The following KIF16B variants were observed in gnomAD, a reference collection of about 807,000 sequenced individuals.
KIF16B encodes kinesin family member 16B, also known as kinesin-like protein KIF16B.
A neutral mutation model predicts 156.3 loss-of-function variants in KIF16B; 98 were observed. That is an observed-to-expected ratio of 0.63 (90% CI 0.53 to 0.74). The LOEUF is 0.74. Ranked by LOEUF, KIF16B falls within the 30% of genes least tolerant of loss-of-function variation. The pLI, the probability that KIF16B is intolerant of heterozygous loss-of-function variation, is 0.00. For missense variants in KIF16B, 1,421 were observed against 1,606.5 expected, an observed-to-expected ratio of 0.88 and a Z score of 1.97; for synonymous variants, 564 against 583.7, an observed-to-expected ratio of 0.97 and a Z score of 0.49.
intron 24 of KIF16B, among the ~76,000 whole-genome samples, chr20:16,319,062 C>T (rs2063738137): frequency 6.6e-6 from 1 of 152,124 alleles, no homozygotes; most frequent in African/African-American, 2.4e-5. Flanking sequence ...AACAAGTCTT[C>T]CTCAAGAGTG....
At chr20:16,366,081 C>T (rs112511556) in intron 22 of KIF16B, among the ~76,000 whole-genome samples, 1 of 18,280 alleles carries the variant, frequency 5.5e-5, no homozygotes, top group Non-Finnish European at 8.7e-5. Flanking sequence ...CAGAGGGGGA[C>T]AGAGAGGAAA....
At chr20:16,555,475 T>C (rs1322090102) in intron 1 of KIF16B, among the ~76,000 whole-genome samples, 1 of 151,900 alleles carries the variant, frequency 6.6e-6, no homozygotes, top group Non-Finnish European at 1.5e-5. Context: ...GCTAATGACA[T>C]CCCCAAAGAA....
In KIF16B at chr20:16,457,299, A is replaced by C. The variant is rs184563949; in HGVS notation, c.1303-27317T>G. Reference sequence around the variant, plus strand: ...TAAGATCTGTGTGGTCCACTGCCAAATGACAAATTATACATATTCTGAAAA... The same window carrying C: ...TAAGATCTGTGTGGTCCACTGCCAACTGACAAATTATACATATTCTGAAAA... On this transcript the variant is annotated intron_variant, in intron 12 of 25. Transcript: ENST00000354981. 2.6e-5 allele frequency among the ~76,000 whole-genome samples: 4 copies of C among 152,346 alleles called. No homozygotes were observed. In the East Asian group the frequency reaches 7.7e-4, roughly 29 times the overall value.
At chr20:16,274,859 A>G (rs906231258) in intron 25 of KIF16B, among the ~76,000 whole-genome samples, 11 of 152,172 alleles carry the variant, frequency 7.2e-5, no homozygotes, top group African/African-American at 2.4e-5. Context: ...GAATTTAGCT[A>G]CCTCTATGAA....
chr20:16,533,750 T>C (rs1402825172), intron 1 of KIF16B, among the ~76,000 whole-genome samples: 1 of 152,082 alleles, frequency 6.6e-6, no homozygotes, highest in African/African-American at 2.4e-5. Flanking sequence ...AAACCATGAG[T>C]GAGTTTCCAG....
intron 1 of KIF16B, among the ~76,000 whole-genome samples, chr20:16,558,523 C>A (rs6111177): frequency 0.35 from 53,599 of 152,078 alleles, 9,572 homozygotes; most frequent in African/African-American, 0.41. Flanking sequence ...AGAAGAAAAA[C>A]CACCTGCTGA....
Position 16,468,715 on chromosome 20 carries a change from CAAAT to C in KIF16B, c.1302+25572_1302+25575del. On this transcript the variant is annotated intron_variant, in intron 12 of 25. Transcript: ENST00000354981. ...GTAAAAACTGACAGAGCTGAAAGAA[CAAAT>C]AAACAAATCTACTATTAGAGAGTTG... is the stretch of plus-strand genomic sequence containing the variant. Among the ~76,000 whole-genome samples the C allele has an allele frequency of 2.7e-5, 4 of 148,020 alleles. No individual in the cohort carries two copies. The South Asian group carries it at 8.5e-4, about 32-fold the overall frequency.
intron 12 of KIF16B, among the ~76,000 whole-genome samples, chr20:16,462,316 C>T (rs943188545): frequency 6.6e-6 from 1 of 152,318 alleles, no homozygotes; most frequent in African/African-American, 2.4e-5. Context: ...AGGGCCCCTG[C>T]AATCCTCACC....
At chr20:16,308,590 T>C (rs189674499) in intron 25 of KIF16B, among the ~76,000 whole-genome samples, 1 of 152,334 alleles carries the variant, frequency 6.6e-6, no homozygotes. Context: ...CCCCAAGACA[T>C]AGGCCTTCAC....
At chr20:16,418,123 G>C (rs2066136649) in intron 15 of KIF16B, among the ~76,000 whole-genome samples, 2 of 151,942 alleles carry the variant, frequency 1.3e-5, no homozygotes, top group Non-Finnish European at 2.9e-5. Flanking sequence ...AGCTGAAAAT[G>C]AAGTTTTAAA....
At position 16,435,403 on chromosome 20, in the gene KIF16B, A is replaced by G. The variant is rs141591571; in HGVS notation, c.1303-5421T>C. 3.6e-3 allele frequency among the ~76,000 whole-genome samples: 554 copies of G among 152,346 alleles called. 3 individuals are homozygous for G. Among genetic ancestry groups the G allele is most frequent in the African/African-American group, 0.012 (494 of 41,588 alleles). ...AGAAAATTAAGCTAGTCTGACTTTT[A>G]GTCCACAGCAGATAATTTGGTTTTA... On this transcript the variant is annotated intron_variant, in intron 12 of 25. Coordinates refer to ENST00000354981, the MANE Select transcript of KIF16B (RefSeq NM_024704.5).
intron 1 of KIF16B, among the ~76,000 whole-genome samples, chr20:16,545,565 T>C (rs1228030690): frequency 6.6e-6 from 1 of 152,108 alleles, no homozygotes; most frequent in Non-Finnish European, 1.5e-5. Context: ...CTCAGGAGGC[T>C]GAGGCAGGAG....
intron 1 of KIF16B, among the ~76,000 whole-genome samples, chr20:16,530,838 A>T (rs1022344903): frequency 6.6e-6 from 1 of 151,980 alleles, no homozygotes; most frequent in Non-Finnish European, 1.5e-5. Context: ...AGTAGCTTTG[A>T]CTACAGGCAC....
chr20:16,388,825 T>C (rs1453745757), intron 17 of KIF16B, among the ~76,000 whole-genome samples: 1 of 151,888 alleles, frequency 6.6e-6, no homozygotes, highest in African/African-American at 2.4e-5. Flanking sequence ...TGAGGAAGAT[T>C]TAAATGAACT....
chr20:16,423,348 A>C (rs1034550898), intron 15 of KIF16B, among the ~76,000 whole-genome samples: 2 of 152,206 alleles, frequency 1.3e-5, no homozygotes, highest in African/African-American at 4.8e-5. Context: ...AAGCACATGA[A>C]AAGTTCATTT....
chr20:16,433,082 C>T (rs898971804), intron 12 of KIF16B, among the ~76,000 whole-genome samples: 1 of 152,172 alleles, frequency 6.6e-6, no homozygotes, highest in Non-Finnish European at 1.5e-5. Context: ...GTTTTTTCCT[C>T]CTGACCATGA....
chr20:16,520,961 A>G (rs1343617656), intron 3 of KIF16B, among the ~76,000 whole-genome samples: 1 of 152,202 alleles, frequency 6.6e-6, no homozygotes, highest in African/African-American at 2.4e-5. Flanking sequence ...AGGAAAACAA[A>G]CAAACAGAAA....
At chr20:16,429,783 G>T in intron 13 of KIF16B, 80 bp downstream of exon 13, 1 of 1,227,018 alleles carries the variant, frequency 8.1e-7, no homozygotes, top group South Asian at 1.6e-5. Context: ...CATGACCATA[G>T]AATATTATAA....
intron 25 of KIF16B, among the ~76,000 whole-genome samples, chr20:16,311,306 T>C (rs1038883853): frequency 1.3e-5 from 2 of 152,072 alleles, no homozygotes; most frequent in South Asian, 2.1e-4. Flanking sequence ...TTGGCCAACA[T>C]GGTGAAACCC....
Sources: gnomAD v4.1 joint callset for allele counts (sites outside exome capture counted in the v4.1 genomes callset) on GRCh38, gnomAD v4.1.1 for gene constraint, MANE v1.5 for transcripts, NCBI Gene and HGNC (gene_info 2026-07-23, HGNC 2026-07-21) for gene names.